The following DNAH9 variants were observed in gnomAD, a reference collection of about 807,000 sequenced individuals.
The protein encoded by DNAH9 is DNAH9 variant protein.
A neutral mutation model predicts 471.6 loss-of-function variants in DNAH9; 345 were observed. The observed-to-expected ratio is 0.73, with a 90% CI of 0.67 to 0.80. DNAH9 has a LOEUF of 0.80. DNAH9 is among the 30% of genes least tolerant of loss of function. The probability of loss-of-function intolerance (pLI) is 0.00; values close to 1 mark genes in which losing one functional copy is unlikely to be tolerated. For synonymous variants in DNAH9, 2,093 were observed against 2,123.6 expected, an observed-to-expected ratio of 0.99 and a Z score of 0.40; for missense variants, 5,407 against 5,609.2, an observed-to-expected ratio of 0.96 and a Z score of 1.15.
intron 33 of DNAH9, among the ~76,000 whole-genome samples, chr17:11,754,619 A>T (rs1482570587): frequency 6.6e-6 from 1 of 152,142 alleles, no homozygotes; most frequent in Admixed American, 6.6e-5. Flanking sequence ...TGGCCACAAA[A>T]ATTGTCATCT....
At chr17:11,641,373 A>AT (rs2073268186) in intron 10 of DNAH9, among the ~76,000 whole-genome samples, 1 of 152,108 alleles carries the variant, frequency 6.6e-6, no homozygotes, top group South Asian at 2.1e-4. Flanking sequence ...CAAGGATTCC[A>AT]TTTTTTCTCA....
intron 62 of DNAH9, among the ~76,000 whole-genome samples, chr17:11,926,178 A>G (rs1974319491): frequency 6.6e-6 from 1 of 152,112 alleles, no homozygotes; most frequent in Non-Finnish European, 1.5e-5. Context: ...GGTTCTGAGA[A>G]TCCTTTGGTA....
chr17:11,871,946 C>G (rs540253528), intron 52 of DNAH9, among the ~76,000 whole-genome samples, 160 bp downstream of exon 52: 3 of 152,234 alleles, frequency 2.0e-5, no homozygotes, highest in African/African-American at 2.4e-5. Flanking sequence ...TCCTTCCACA[C>G]TGCCTTGCAT....
At chr17:11,821,264 C>T (rs1970299043) in intron 45 of DNAH9, among the ~76,000 whole-genome samples, 1 of 134,666 alleles carries the variant, frequency 7.4e-6, no homozygotes, top group South Asian at 2.4e-4. Context: ...CCAGTCTGGG[C>T]AACAGGAGCA....
chr17:11,659,720 C>T (rs1256892998), intron 14 of DNAH9, among the ~76,000 whole-genome samples: 2 of 152,242 alleles, frequency 1.3e-5, no homozygotes, highest in East Asian at 3.9e-4. Context: ...ACCCCTACAT[C>T]AGCACGTCCT....
At chr17:11,756,707 C>A in intron 34 of DNAH9, 31 bp downstream of exon 34, 2 of 1,379,694 alleles carry the variant, frequency 1.4e-6, no homozygotes, top group Non-Finnish European at 2.1e-6. Flanking sequence ...AACCACAAAG[C>A]TACTCCACTT....
chr17:11,934,435 ATTTTTTTTTTTT>A (rs547023975), intron 65 of DNAH9, among the ~76,000 whole-genome samples: 40 of 86,020 alleles, frequency 4.7e-4, no homozygotes, highest in African/African-American at 7.9e-4. Context: ...TGACAAACCC[ATTTTTTTTTTTT>A]TTTTTTTTTT....
At position 11,689,151 on chromosome 17, in the gene DNAH9, G is replaced by A. The variant is rs1414919581; in HGVS notation, c.3744-415G>A. 3.9e-5 allele frequency among the ~76,000 whole-genome samples: 6 copies of A among 151,972 alleles called. No individual in the cohort carries two copies. The South Asian group carries it at 1.2e-3, about 32-fold the overall frequency. Reference sequence around the variant, plus strand: ...AGAAATCACCTATCACTAGGTTCCTGGCAAGGCCCTTGGCTTTCCGGCTTC... The same window carrying A: ...AGAAATCACCTATCACTAGGTTCCTAGCAAGGCCCTTGGCTTTCCGGCTTC... On this transcript the variant is annotated intron_variant, in intron 19 of 68. Coordinates refer to ENST00000262442, the MANE Select transcript of DNAH9 (RefSeq NM_001372.4).
Position 11,715,575 on chromosome 17 carries a change from TC to T in DNAH9, c.5553-3757del, listed in dbSNP as rs562118464. Among the ~76,000 whole-genome samples, 585 of 152,280 alleles carry T rather than the reference TC, an allele frequency of 3.8e-3. 3 individuals carry two copies. The highest frequency in any genetic ancestry group is 6.0e-3 in the Non-Finnish European group (405 of 68,026). On this transcript the variant is annotated intron_variant, in intron 26 of 68. Coordinates refer to ENST00000262442, the MANE Select transcript of DNAH9 (RefSeq NM_001372.4). ...TTAAAATCCCTTCCAACGCTAACGT[TC>T]CTGTGTTCCCACTGGAACCAAACTA...
intron 31 of DNAH9, among the ~76,000 whole-genome samples, chr17:11,746,818 A>T (rs184172297): frequency 6.6e-6 from 1 of 152,358 alleles, no homozygotes; most frequent in Non-Finnish European, 1.5e-5. Flanking sequence ...CAACCAAATT[A>T]TCATCCATGA....
intron 35 of DNAH9, among the ~76,000 whole-genome samples, chr17:11,762,451 A>G (rs1967718990): frequency 1.3e-5 from 2 of 152,184 alleles, no homozygotes; most frequent in African/African-American, 2.4e-5. Context: ...CTCCTGCTGC[A>G]TGAGGCATAG....
chr17:11,622,090 A>G (rs971640864), intron 6 of DNAH9, among the ~76,000 whole-genome samples: 4 of 151,914 alleles, frequency 2.6e-5, no homozygotes, highest in African/African-American at 9.7e-5. Flanking sequence ...GTCTCAAAAA[A>G]AAAAAAAAAA....
At chr17:11,822,126 A>T in intron 46 of DNAH9, 64 bp downstream of exon 46, 1 of 1,546,570 alleles carries the variant, frequency 6.5e-7, no homozygotes, top group Non-Finnish European at 8.7e-7. Flanking sequence ...GCTTCCACTG[A>T]TATTTCGGGC....
chr17:11,605,749 CCCT>C (rs1350484478), intron 1 of DNAH9, among the ~76,000 whole-genome samples: 1 of 151,110 alleles, frequency 6.6e-6, no homozygotes, highest in Non-Finnish European at 1.5e-5. Context: ...AAACAATCTG[CCCT>C]CCTCAGCCTC....
rs544469260 is a variant in DNAH9, at chr17:11,632,355, A to G, written c.1519-232A>G. On this transcript the variant is annotated intron_variant, in intron 7 of 68. Coordinates refer to ENST00000262442, the MANE Select transcript of DNAH9 (RefSeq NM_001372.4). ...GCATGGAAAGGGTGGAAGAACACCA[A>G]ACTCACATCTAATTCATTTCACCAT... Among the ~76,000 whole-genome samples the G allele has an allele frequency of 1.4e-4, 21 of 152,338 alleles. No individual in the cohort carries two copies. In the South Asian group the frequency reaches 4.3e-3, roughly 32 times the overall value.
chr17:11,850,459 A>AC (rs1247990474), intron 49 of DNAH9, among the ~76,000 whole-genome samples: 1 of 151,914 alleles, frequency 6.6e-6, no homozygotes, highest in Non-Finnish European at 1.5e-5. Context: ...GATCAGCCTG[A>AC]CCAACATAAT....
chr17:11,908,907 G>A (rs9896587), intron 61 of DNAH9, among the ~76,000 whole-genome samples: 27,242 of 152,144 alleles, frequency 0.18, 2,695 homozygotes, highest in African/African-American at 0.26. Flanking sequence ...GTCCTCTGGT[G>A]AGGACTGATA....
At chr17:11,678,756 C>A (rs1162970231) in intron 17 of DNAH9, among the ~76,000 whole-genome samples, 1 of 151,850 alleles carries the variant, frequency 6.6e-6, no homozygotes, top group Non-Finnish European at 1.5e-5. Context: ...GTTGGGCTTT[C>A]TTGATCTTAC....
At position 11,745,089 on chromosome 17, in the gene DNAH9, A is replaced by T; in HGVS notation, c.6399+5A>T. On this transcript the variant is annotated splice_donor_5th_base_variant and intron_variant, in intron 31 of 68. Transcript: ENST00000262442. ...GAGGACAACTTTGTGCTCAAGGTAC[A>T]TGTGGTTTTTCCTCCCAGGATTTCT... is the stretch of plus-strand genomic sequence containing the variant. The T allele has an allele frequency of 6.2e-7, 1 of 1,604,438 alleles. No individual in the cohort carries two copies. The highest frequency in any genetic ancestry group is 8.5e-7 in the Non-Finnish European group (1 of 1,173,460).
Sources: allele counts gnomAD v4.1 joint callset (sites outside exome capture counted in the v4.1 genomes callset), GRCh38; gene constraint gnomAD v4.1.1; transcripts MANE v1.5; gene names NCBI Gene and HGNC (gene_info 2026-07-23, HGNC 2026-07-21).